Variants in MAP3K13 observed in about 807,000 individuals in gnomAD.
MAP3K13 encodes mitogen-activated protein kinase kinase kinase 13.
In MAP3K13, 52 loss-of-function variants were observed where a neutral mutation model predicts 104.0. The observed-to-expected ratio is 0.50, with a 90% confidence interval of 0.40 to 0.63. The LOEUF (loss-of-function observed/expected upper bound fraction) is 0.63, where lower values mean the gene tolerates loss of function less well. Ranked by LOEUF, MAP3K13 falls within the 20% of genes least tolerant of loss-of-function variation. The probability of loss-of-function intolerance (pLI) is 0.00; values close to 1 mark genes in which losing one functional copy is unlikely to be tolerated. For synonymous variants in MAP3K13, 394 were observed against 442.2 expected, an observed-to-expected ratio of 0.89 and a Z score of 1.37; for missense variants, 914 against 1,218.5, an observed-to-expected ratio of 0.75 and a Z score of 3.72.
At chr3:185,348,428 C>T (rs1343888933) in intron 2 of MAP3K13, among the ~76,000 whole-genome samples, 1 of 152,134 alleles carries the variant, frequency 6.6e-6, no homozygotes, top group Non-Finnish European at 1.5e-5. Flanking sequence ...AATTTAGGCC[C>T]AATACATCTC....
At chr3:185,463,734 C>T in intron 8 of MAP3K13, 75 bp downstream of exon 8, 1 of 812,216 alleles carries the variant, frequency 1.2e-6, no homozygotes, top group Non-Finnish European at 2.1e-6. Flanking sequence ...TTATCATAAC[C>T]ACCATTTCAC....
At chr3:185,464,581 G>A (rs748292215) in intron 8 of MAP3K13, among the ~76,000 whole-genome samples, 10 of 152,168 alleles carry the variant, frequency 6.6e-5, no homozygotes, top group Non-Finnish European at 1.3e-4. Context: ...CTTCTGCCAT[G>A]ATTGTAAATT....
intron 2 of MAP3K13, among the ~76,000 whole-genome samples, chr3:185,352,945 T>C (rs1402238929): frequency 6.6e-6 from 1 of 152,274 alleles, no homozygotes; most frequent in East Asian, 1.9e-4. Flanking sequence ...TAGCAACTAC[T>C]ATCTTTTACT....
intron 1 of MAP3K13, among the ~76,000 whole-genome samples, chr3:185,400,905 G>GTTTTTGTTTTT (rs1712763107): frequency 9.3e-6 from 1 of 107,292 alleles, no homozygotes; most frequent in African/African-American, 3.6e-5. Context: ...GTGTTTGTTT[G>GTTTTTGTTTTT]TTTTTTTTTT....
intron 2 of MAP3K13, among the ~76,000 whole-genome samples, chr3:185,332,724 C>T (rs1461107053): frequency 2.6e-5 from 4 of 152,164 alleles, no homozygotes; most frequent in African/African-American, 9.7e-5. Flanking sequence ...GCAGGATTTC[C>T]TTCATTTGTA....
chr3:185,441,052 A>G (rs1034918037), intron 3 of MAP3K13, among the ~76,000 whole-genome samples: 1 of 152,226 alleles, frequency 6.6e-6, no homozygotes, highest in African/African-American at 2.4e-5. Flanking sequence ...AGTATTGTAC[A>G]GAGTGGAGTG....
chr3:185,337,326 A>G (rs1722542241), intron 2 of MAP3K13, among the ~76,000 whole-genome samples: 1 of 152,240 alleles, frequency 6.6e-6, no homozygotes, highest in South Asian at 2.1e-4. Context: ...ACTTAGAAGA[A>G]GCAACTTACA....
rs1475891170 is a variant in MAP3K13 at position 185,315,591 on chromosome 3, G to T, written c.-86+29948G>T. Among the ~76,000 whole-genome samples the T allele has an allele frequency of 6.6e-6, 1 of 152,146 alleles. No homozygotes were observed. The highest frequency in any genetic ancestry group is 1.5e-5 in the Non-Finnish European group (1 of 68,022). ...AAAATCAAATATCCCTTTCCTTCAAGTATCATTCCTTTGGGAATGGCTTCC... is the reference window on the plus strand; with the variant it reads ...AAAATCAAATATCCCTTTCCTTCAATTATCATTCCTTTGGGAATGGCTTCC... On this transcript the variant is annotated intron_variant, in intron 2 of 14. Transcript: ENST00000424227. This position sits in a 1 kb window ranked among gnomAD's most constrained non-coding sequence, Gnocchi z 4.3.
At position 185,395,357 on chromosome 3, in the gene MAP3K13, C is replaced by CTTTCTTT. The variant is rs1553798321; in HGVS notation, c.-86+31992_-86+31993insCTTTTTT. ...AGGCATTTCTAATTCAATATTATTTCTTTTTTTTTTTTTTTTTTTGAGACG... is the reference window on the plus strand; with the variant it reads ...AGGCATTTCTAATTCAATATTATTTCTTTCTTTTTTTTTTTTTTTTTTTTTTGAGACG... On this transcript the variant is annotated intron_variant, in intron 1 of 13. Transcript: ENST00000265026. Among the ~76,000 whole-genome samples the CTTTCTTT allele has an allele frequency of 7.1e-5, 5 of 69,978 alleles. 1 individual carries two copies. The highest frequency in any genetic ancestry group is 5.7e-4 in the South Asian group (1 of 1,752). The allele number at this position is 69,978 out of a possible 152,430, so 45.9% of individuals were successfully genotyped here.
chr3:185,285,637 G>A, exon 2 of MAP3K13: 1 of 1,534,872 alleles, frequency 6.5e-7, no homozygotes, highest in South Asian at 1.2e-5. Flanking sequence ...CTAGCACTCT[G>A]GGAGAGGTAA....
At chr3:185,285,723 T>A in intron 2 of MAP3K13, 1 of 1,223,206 alleles carries the variant, frequency 8.2e-7, no homozygotes, top group Non-Finnish European at 1.2e-6. Flanking sequence ...AGGATTGTAA[T>A]TGAAAAGTAC....
At chr3:185,313,863 A>G (rs1373873546) in intron 2 of MAP3K13, among the ~76,000 whole-genome samples, 1 of 152,180 alleles carries the variant, frequency 6.6e-6, no homozygotes, top group Non-Finnish European at 1.5e-5. Flanking sequence ...TCTGCACTCT[A>G]ACCAAGGAGG....
intron 2 of MAP3K13, among the ~76,000 whole-genome samples, chr3:185,304,212 T>G (rs1312153546): frequency 6.6e-6 from 1 of 152,238 alleles, no homozygotes. Flanking sequence ...TTAAATTTGT[T>G]AAGACTTGTC....
chr3:185,440,865 A>T (rs146811597), intron 3 of MAP3K13, among the ~76,000 whole-genome samples: 1 of 152,228 alleles, frequency 6.6e-6, no homozygotes, highest in Non-Finnish European at 1.5e-5. Flanking sequence ...AAAGGAAGGC[A>T]TGTATACCCA....
intron 7 of MAP3K13, among the ~76,000 whole-genome samples, chr3:185,454,314 A>T (rs1393877577): frequency 1.0e-5 from 1 of 99,994 alleles, no homozygotes; most frequent in Non-Finnish European, 1.8e-5. Flanking sequence ...TATATATATG[A>T]GATATATATG....
chr3:185,360,606 T>C (rs183290089), upstream of MAP3K13, among the ~76,000 whole-genome samples: 8 of 152,266 alleles, frequency 5.3e-5, no homozygotes, highest in Non-Finnish European at 1.0e-4. Context: ...AGGCCAAGTT[T>C]ATCATCTTAC....
At chr3:185,371,069 T>G (rs1255801476) in intron 1 of MAP3K13, among the ~76,000 whole-genome samples, 1 of 152,196 alleles carries the variant, frequency 6.6e-6, no homozygotes, top group Non-Finnish European at 1.5e-5. Context: ...GTATGATAAT[T>G]GCTAGCTTTT....
chr3:185,373,983 G>C (rs969269518), intron 1 of MAP3K13, among the ~76,000 whole-genome samples: 1 of 151,960 alleles, frequency 6.6e-6, no homozygotes, highest in Admixed American at 6.6e-5. Flanking sequence ...CAATGTTTTG[G>C]GGGCAGGGGG....
intron 2 of MAP3K13, among the ~76,000 whole-genome samples, chr3:185,352,857 C>A (rs1723189775): frequency 6.6e-6 from 1 of 152,160 alleles, no homozygotes; most frequent in Admixed American, 6.5e-5. Flanking sequence ...CCTAGTTGAA[C>A]AGACTGGATT....
Sources: gnomAD v4.1 joint callset for allele counts (sites outside exome capture counted in the v4.1 genomes callset) on GRCh38, gnomAD v4.1.1 for gene constraint, Gnocchi (gnomAD v3.1) non-coding constraint, MANE v1.5 for transcripts, NCBI Gene and HGNC (gene_info 2026-07-23, HGNC 2026-07-21) for gene names.